The following ZNF148 variants were observed in gnomAD, a reference collection of about 807,000 sequenced individuals.
The protein encoded by ZNF148 is zinc finger protein 148, also known as Beta-Enolase Repressor Factor-1.
In ZNF148, 7 loss-of-function variants were observed where a neutral mutation model predicts 67.7. That is an observed-to-expected ratio of 0.10 (90% CI 0.06 to 0.19). The LOEUF (loss-of-function observed/expected upper bound fraction) is 0.19, where lower values mean the gene tolerates loss of function less well. Among genes scored for constraint, ZNF148 ranks in the 10% least tolerant of loss-of-function variants. The pLI is 1.00. For missense variants in ZNF148, 583 were observed against 947.1 expected (o/e 0.62, Z 5.05); for synonymous variants, 333 against 330.7 (o/e 1.01, Z -0.08).
At chr3:125,370,686 G>A (rs575059862) in intron 1 of ZNF148, among the ~76,000 whole-genome samples, 1 of 152,292 alleles carries the variant, frequency 6.6e-6, no homozygotes, top group South Asian at 2.1e-4. Flanking sequence ...CCACCATAGT[G>A]ATTTGCACCT....
chr3:125,235,447 A>G (rs1052492089), intron 7 of ZNF148, among the ~76,000 whole-genome samples: 1 of 152,076 alleles, frequency 6.6e-6, no homozygotes, highest in African/African-American at 2.4e-5. Flanking sequence ...TGCTCCTTCG[A>G]TTGGGAATGT....
chr3:125,257,606 C>T (rs1333225768), intron 7 of ZNF148, among the ~76,000 whole-genome samples: 1 of 146,856 alleles, frequency 6.8e-6, no homozygotes, highest in Non-Finnish European at 1.5e-5. Flanking sequence ...CTCCAGAGCA[C>T]ATACAGGGGA....
intron 1 of ZNF148, among the ~76,000 whole-genome samples, chr3:125,372,690 G>A (rs1414814147): frequency 6.6e-6 from 1 of 152,212 alleles, no homozygotes; most frequent in South Asian, 2.1e-4. Flanking sequence ...AGTAGAGGCC[G>A]AGCACAGTGG....
chr3:125,283,645 A>C (rs1579701656), intron 5 of ZNF148, among the ~76,000 whole-genome samples: 2 of 152,110 alleles, frequency 1.3e-5, no homozygotes, highest in African/African-American at 4.8e-5. Context: ...TCCTGTTTGC[A>C]TCCTCCGTCT....
chr3:125,338,931 T>C (rs1321257358), intron 1 of ZNF148: 1 of 152,138 alleles, frequency 6.6e-6, no homozygotes, highest in Admixed American at 6.5e-5. Flanking sequence ...AAAGAAATCA[T>C]ACAGTCACTG....
chr3:125,300,371 A>G (rs1939523240), intron 4 of ZNF148, among the ~76,000 whole-genome samples: 1 of 152,228 alleles, frequency 6.6e-6, no homozygotes, highest in South Asian at 2.1e-4. Context: ...TGCAAAAACC[A>G]AAACTACTAC....
Position 125,257,035 on chromosome 3 carries a change from T to C in ZNF148, c.667+20691A>G, listed in dbSNP as rs148334572. Among the ~76,000 whole-genome samples the C allele has an allele frequency of 8.6e-3, 1,296 of 151,190 alleles. 12 individuals carry two copies. Among genetic ancestry groups the C allele is most frequent in the Non-Finnish European group, 0.013 (865 of 67,816 alleles). On this transcript the variant is annotated intron_variant, in intron 7 of 8. Coordinates refer to ENST00000360647, the MANE Select transcript of ZNF148 (RefSeq NM_021964.3). ...GTAAAATTATTTCTCTTTTCATCTA[T>C]TTTCCATACCTTTTCCACTATTTTC...
chr3:125,263,020 C>T, intron 7 of ZNF148, among the ~76,000 whole-genome samples: 1 of 152,200 alleles, frequency 6.6e-6, no homozygotes, highest in East Asian at 1.9e-4. Flanking sequence ...CGCTGTAACA[C>T]AACTTAGCAG....
At position 125,317,698 on chromosome 3, in the gene ZNF148, C is replaced by CACAT. The variant is rs138568109; in HGVS notation, c.-16-4043_-16-4042insATGT. Reference sequence around the variant, plus strand: ...AGAGAGAAATACATATACACACACACATATATATATATATATTTTTTTTTT... The same window carrying CACAT: ...AGAGAGAAATACATATACACACACACACATATATATATATATATATTTTTTTTTT... On this transcript the variant is annotated intron_variant, in intron 3 of 8. Coordinates refer to ENST00000360647, the MANE Select transcript of ZNF148 (RefSeq NM_021964.3). 2.2e-3 allele frequency among the ~76,000 whole-genome samples: 231 copies of CACAT among 103,230 alleles called. 1 individual carries two copies. The highest frequency in any genetic ancestry group is 5.8e-3 in the Middle Eastern group (1 of 172). The allele number at this position is 103,230 out of a possible 152,430, so 67.7% of individuals were successfully genotyped here.
rs1439043869 is a variant in ZNF148 at position 125,231,120 on chromosome 3, T to C, written c.*1221A>G. On this transcript the variant is annotated 3_prime_UTR_variant, in exon 9 of 9. Coordinates refer to ENST00000360647, the MANE Select transcript of ZNF148 (RefSeq NM_021964.3). The stretch of plus-strand genomic sequence containing the variant: ...GTAGTTACTGGAATTAGTAAACACT[T>C]TTGGTTTGTAAAGTTGTAATGAGCA... 1 of 152,548 alleles carries C rather than the reference T, an allele frequency of 6.6e-6. No individual in the cohort carries two copies. The highest frequency in any genetic ancestry group is 1.5e-5 in the Non-Finnish European group (1 of 67,958). The allele number at this position is 152,548 out of a possible 1,614,324, so 9.4% of individuals were successfully genotyped here.
chr3:125,300,575 G>GC (rs1406432552), intron 4 of ZNF148, among the ~76,000 whole-genome samples: 1 of 152,206 alleles, frequency 6.6e-6, no homozygotes. Context: ...CAGTATGCCT[G>GC]CAATTTTACA....
At chr3:125,346,778 T>C (rs1941960044) in intron 1 of ZNF148, among the ~76,000 whole-genome samples, 1 of 152,174 alleles carries the variant, frequency 6.6e-6, no homozygotes, top group Non-Finnish European at 1.5e-5. Flanking sequence ...TTAAACCTCT[T>C]TATAAATTAC....
At chr3:125,271,253 C>T (rs1937715695) in intron 7 of ZNF148, among the ~76,000 whole-genome samples, 1 of 152,184 alleles carries the variant, frequency 6.6e-6, no homozygotes, top group African/African-American at 2.4e-5. Context: ...GCTTTCTAGA[C>T]TTATCTCCTC....
At chr3:125,305,737 C>G (rs1013094485) in intron 4 of ZNF148, among the ~76,000 whole-genome samples, 1 of 148,786 alleles carries the variant, frequency 6.7e-6, no homozygotes, top group African/African-American at 2.5e-5. Flanking sequence ...TACTTGAGCT[C>G]AGGAGGTGAA....
intron 1 of ZNF148, among the ~76,000 whole-genome samples, chr3:125,335,656 T>C (rs1035338306): frequency 6.6e-6 from 1 of 152,198 alleles, no homozygotes; most frequent in African/African-American, 2.4e-5. Context: ...AGTAACAAAT[T>C]TCAGAAGTAC....
In ZNF148 at chr3:125,313,565, T is replaced by C. The variant is rs538092254; in HGVS notation, c.76A>G (p.Met26Val). The change falls in exon 4 of 9, where the codon ATG becomes GTG. Residue 26 changes from methionine to valine, a missense_variant. By Grantham distance (21) the Met-to-Val change is conservative (BLOSUM62 1). Around this residue, in one of 5 missense-constraint regions of ZNF148, gnomAD observed 150 missense variants for 202.5 expected, o/e 0.74. Transcript: ENST00000360647. ...CCAGACACTCCACCCATTACAACCA[T>C]TGTCCTGGAAGACTGCATTTCGTCT... ...GIDEMQSSRT[M>V]VVMGGVSGQS... The C allele has an allele frequency of 1.2e-5, 19 of 1,614,188 alleles. No individual in the cohort carries two copies. Among genetic ancestry groups the C allele is most frequent in the East Asian group, 4.5e-5 (2 of 44,886 alleles).
intron 7 of ZNF148, among the ~76,000 whole-genome samples, chr3:125,252,841 T>C (rs9868362): frequency 6.6e-6 from 1 of 152,002 alleles, no homozygotes; most frequent in Non-Finnish European, 1.5e-5. Context: ...ATCTTTACTG[T>C]ACATCAAGTG....
intron 7 of ZNF148, among the ~76,000 whole-genome samples, chr3:125,254,692 C>G (rs546106644): frequency 3.2e-4 from 49 of 151,044 alleles, no homozygotes; most frequent in African/African-American, 1.1e-3. Flanking sequence ...GTTTCATACA[C>G]TGCATTTTTT....
At position 125,228,915 on chromosome 3, in the gene ZNF148, A is replaced by G. The variant is rs1007078084; in HGVS notation, c.*3426T>C. ...CATTGGATTAAAGAAAGCAACAAACATAACAAGAAATGTTTGTCTGCTTTA... is the reference window on the plus strand; with the variant it reads ...CATTGGATTAAAGAAAGCAACAAACGTAACAAGAAATGTTTGTCTGCTTTA... On this transcript the variant is annotated 3_prime_UTR_variant, in exon 9 of 9. Transcript: ENST00000360647. The G allele has an allele frequency of 3.9e-5, 6 of 152,606 alleles. No homozygotes were observed. Among genetic ancestry groups the G allele is most frequent in the Non-Finnish European group, 5.9e-5 (4 of 68,008 alleles). 9.5% of individuals were successfully genotyped at this position (152,606 alleles called of 1,614,324 possible).
Sources: allele counts gnomAD v4.1 joint callset (sites outside exome capture counted in the v4.1 genomes callset), GRCh38; gene constraint gnomAD v4.1.1; regional missense constraint gnomAD v4.1.1; transcripts MANE v1.5; gene names NCBI Gene and HGNC (gene_info 2026-07-23, HGNC 2026-07-21).